Variants in PLCZ1 observed in about 807,000 individuals in gnomAD.
PLCZ1 encodes the protein phospholipase C zeta 1.
PLCZ1 carries 64 observed loss-of-function variants against 76.8 expected under a neutral mutation model. The ratio of observed to expected loss-of-function variants is 0.83; its 90% CI spans 0.68 to 1.03. The LOEUF (loss-of-function observed/expected upper bound fraction) is 1.03. PLCZ1 is among the 50% of genes least tolerant of loss of function. The pLI, the probability that PLCZ1 is intolerant of heterozygous loss-of-function variation, is 0.00. For missense variants in PLCZ1, 751 were observed against 713.7 expected (o/e 1.05, Z -0.60); for synonymous variants, 248 against 230.8 (o/e 1.07, Z -0.68).
intron 13 of PLCZ1, among the ~76,000 whole-genome samples, chr12:18,687,134 T>G (rs1400511886): frequency 2.0e-5 from 3 of 152,060 alleles, no homozygotes; most frequent in African/African-American, 7.2e-5. Flanking sequence ...CAATATCCCT[T>G]CCCATTGATA....
At chr12:18,681,767 A>G (rs1386733600), downstream of PLCZ1, among the ~76,000 whole-genome samples, 1 of 152,076 alleles carries the variant, frequency 6.6e-6, no homozygotes, top group Non-Finnish European at 1.5e-5. Context: ...TTTGGTACCT[A>G]AAGAAAAGGA....
At chr12:18,653,117 G>A in the PLCZ1 span, among the ~76,000 whole-genome samples, 8 of 151,964 alleles carry the variant, frequency 5.3e-5, no homozygotes, top group African/African-American at 1.9e-4. Context: ...AATAAATGAG[G>A]TTATAGATCA....
chr12:18,700,099 A>T (rs1955680148), intron 9 of PLCZ1, 149 bp from the exon 10 acceptor site: 3 of 693,224 alleles, frequency 4.3e-6, no homozygotes, highest in Non-Finnish European at 7.3e-6. Flanking sequence ...ACTCAATATG[A>T]TTATTTTTGG....
At chr12:18,671,137 C>T in the PLCZ1 span, among the ~76,000 whole-genome samples, 3 of 148,204 alleles carry the variant, frequency 2.0e-5, no homozygotes, top group East Asian at 2.0e-4. Context: ...AGCAGTGAGC[C>T]GAAATCAGGC....
chr12:18,694,225 C>T, intron 12 of PLCZ1: 1 of 613,610 alleles, frequency 1.6e-6, no homozygotes, highest in Non-Finnish European at 2.9e-6. Flanking sequence ...CATCCTGTGT[C>T]TTTTGGAGTA....
chr12:18,686,721 C>T (rs1458515924), intron 13 of PLCZ1, among the ~76,000 whole-genome samples: 1 of 152,034 alleles, frequency 6.6e-6, no homozygotes, highest in Non-Finnish European at 1.5e-5. Context: ...TTACTTATAG[C>T]ATCATCTTTC....
intron 12 of PLCZ1, among the ~76,000 whole-genome samples, chr12:18,690,814 G>A (rs1412043516): frequency 6.6e-6 from 1 of 152,150 alleles, no homozygotes; most frequent in Non-Finnish European, 1.5e-5. Flanking sequence ...GTGAGTCATG[G>A]TTAGAGAAGG....
the PLCZ1 span, among the ~76,000 whole-genome samples, chr12:18,664,942 G>A: frequency 6.9e-6 from 1 of 145,320 alleles, no homozygotes; most frequent in Non-Finnish European, 1.5e-5. Context: ...TCACTCATAG[G>A]TGGGAATTGA....
At chr12:18,668,511 C>T in the PLCZ1 span, among the ~76,000 whole-genome samples, 1 of 152,192 alleles carries the variant, frequency 6.6e-6, no homozygotes, top group Non-Finnish European at 1.5e-5. Flanking sequence ...TCTACTACAA[C>T]TGAAGCTCCA....
intron 3 of PLCZ1, among the ~76,000 whole-genome samples, chr12:18,733,268 T>C (rs1347701217): frequency 6.6e-6 from 1 of 152,228 alleles, no homozygotes. Flanking sequence ...GAAATGTCTA[T>C]ACAATCCCTT....
At chr12:18,696,305 A>T (rs1395088987) in intron 10 of PLCZ1, 39 bp from the exon 11 acceptor site, 1 of 721,018 alleles carries the variant, frequency 1.4e-6, no homozygotes, top group South Asian at 1.7e-5. Context: ...AAGAATTCAA[A>T]TAAATTTAAA....
chr12:18,651,798 G>T, the PLCZ1 span, among the ~76,000 whole-genome samples: 6 of 152,152 alleles, frequency 3.9e-5, no homozygotes, highest in African/African-American at 1.2e-4. Flanking sequence ...AATGTCGCTG[G>T]AATGTGCCAG....
intron 6 of PLCZ1, among the ~76,000 whole-genome samples, chr12:18,710,528 A>G (rs1233298167): frequency 6.6e-6 from 1 of 152,006 alleles, no homozygotes; most frequent in African/African-American, 2.4e-5. Flanking sequence ...GAAGGCTTTG[A>G]GAAGGGGAAT....
chr12:18,728,127 CAG>C (rs771414118), intron 3 of PLCZ1, among the ~76,000 whole-genome samples: 6 of 152,232 alleles, frequency 3.9e-5, no homozygotes, highest in African/African-American at 1.2e-4. Flanking sequence ...GACATCTAAA[CAG>C]AGACAGCCAG....
the PLCZ1 span, among the ~76,000 whole-genome samples, chr12:18,659,582 AG>A: frequency 6.6e-6 from 1 of 152,036 alleles, no homozygotes; most frequent in Non-Finnish European, 1.5e-5. Context: ...TTATAGTGAA[AG>A]GATATCCACA....
At chr12:18,680,833 T>C (rs1952340806), downstream of PLCZ1, among the ~76,000 whole-genome samples, 1 of 152,022 alleles carries the variant, frequency 6.6e-6, no homozygotes, top group African/African-American at 2.4e-5. Context: ...TTCAAAAAAG[T>C]AGAGTTCTCC....
At chr12:18,719,713 T>G in intron 4 of PLCZ1, 81 bp from the exon 5 acceptor site, 2 of 952,116 alleles carry the variant, frequency 2.1e-6, no homozygotes, top group Admixed American at 5.0e-5. Flanking sequence ...ACTTGTAAAC[T>G]TACTCAGTAG....
the PLCZ1 span, among the ~76,000 whole-genome samples, chr12:18,655,676 G>A: frequency 6.6e-6 from 1 of 151,634 alleles, no homozygotes; most frequent in Non-Finnish European, 1.5e-5. Flanking sequence ...ATGTACCCTT[G>A]ACAAGATGTG....
At chr12:18,717,285 T>G (rs73346945) in intron 5 of PLCZ1, among the ~76,000 whole-genome samples, 7,589 of 152,226 alleles carry the variant, frequency 0.05, 469 homozygotes, top group African/African-American at 0.14. Flanking sequence ...ATAATGAAAT[T>G]ATAGCTATAA....
Sources: allele counts gnomAD v4.1 joint callset (sites outside exome capture counted in the v4.1 genomes callset), GRCh38; gene constraint gnomAD v4.1.1; transcripts MANE v1.5; gene names NCBI Gene and HGNC (gene_info 2026-07-23, HGNC 2026-07-21).